The following GPHN variants were observed in gnomAD, a reference collection of about 807,000 sequenced individuals.
GPHN encodes gephyrin.
A neutral mutation model predicts 95.5 loss-of-function variants in GPHN; 17 were observed. The ratio of observed to expected loss-of-function variants is 0.18; its 90% CI spans 0.12 to 0.27. The LOEUF (loss-of-function observed/expected upper bound fraction) is 0.27, where lower values mean the gene tolerates loss of function less well. Among genes scored for constraint, GPHN ranks in the 10% least tolerant of loss-of-function variants. The pLI, the probability that GPHN is intolerant of heterozygous loss-of-function variation, is 1.00. For synonymous variants in GPHN, 320 were observed against 322.5 expected (o/e 0.99, Z 0.08); for missense variants, 660 against 978.1 (o/e 0.67, Z 4.34).
intron 1 of GPHN, among the ~76,000 whole-genome samples, chr14:66,597,811 C>G (rs1473012257): frequency 1.3e-5 from 2 of 152,148 alleles, no homozygotes; most frequent in African/African-American, 2.4e-5. Flanking sequence ...CTCCAGATGC[C>G]CCACTACTAC....
At chr14:66,989,751 T>C (rs2071279055) in intron 9 of GPHN, among the ~76,000 whole-genome samples, 1 of 152,136 alleles carries the variant, frequency 6.6e-6, no homozygotes, top group South Asian at 2.1e-4. Context: ...AGCTGAATTT[T>C]CAGTTTCTCT....
At chr14:67,600,573 TGTGCGAGA>T in the GPHN span, among the ~76,000 whole-genome samples, 2 of 152,146 alleles carry the variant, frequency 1.3e-5, no homozygotes. Flanking sequence ...CTCTCTAGCC[TGTGCGAGA>T]GAGCAAGACC....
chr14:67,577,487 G>C, the GPHN span: 1 of 957,950 alleles, frequency 1.0e-6, no homozygotes, highest in Non-Finnish European at 1.6e-6. Flanking sequence ...CTGTGCAGTT[G>C]GGGACAACCC....
chr14:67,695,313 C>A, the GPHN span, among the ~76,000 whole-genome samples: 2 of 152,146 alleles, frequency 1.3e-5, no homozygotes, highest in Non-Finnish European at 2.9e-5. Flanking sequence ...TTGAAGAGTC[C>A]GAAACTCAAG....
At chr14:67,318,807 C>T in the GPHN span, among the ~76,000 whole-genome samples, 1 of 152,166 alleles carries the variant, frequency 6.6e-6, no homozygotes, top group Non-Finnish European at 1.5e-5. Flanking sequence ...CCTGTAATCC[C>T]AGCACTTTGG....
intron 17 of GPHN, among the ~76,000 whole-genome samples, chr14:67,140,112 G>A (rs923752514): frequency 6.6e-6 from 1 of 152,072 alleles, no homozygotes; most frequent in South Asian, 2.1e-4. Context: ...AGGCTGGCAC[G>A]GCGGCTCACA....
chr14:67,727,294 A>G, the GPHN span: 2 of 827,032 alleles, frequency 2.4e-6, no homozygotes, highest in Admixed American at 4.0e-5. Context: ...TGTCAGTAAT[A>G]TCTCTGTGGA....
intron 5 of GPHN, among the ~76,000 whole-genome samples, chr14:66,883,327 A>T (rs1028633786): frequency 1.3e-5 from 2 of 151,656 alleles, no homozygotes; most frequent in Non-Finnish European, 2.9e-5. Context: ...TTTATTTCAG[A>T]TATATTTTCA....
the GPHN span, among the ~76,000 whole-genome samples, chr14:67,523,885 TG>T: frequency 6.6e-6 from 1 of 151,618 alleles, no homozygotes; most frequent in African/African-American, 2.4e-5. Context: ...GGTATAGAGC[TG>T]TGACCTCTCT....
chr14:66,739,716 G>C (rs2072630926), intron 2 of GPHN, among the ~76,000 whole-genome samples: 1 of 151,940 alleles, frequency 6.6e-6, no homozygotes, highest in African/African-American at 2.4e-5. Flanking sequence ...AACACGAAAA[G>C]CTACAAGGAA....
chr14:67,385,303 GA>G, the GPHN span: 1 of 152,120 alleles, frequency 6.6e-6, no homozygotes, highest in East Asian at 1.9e-4. Flanking sequence ...TCCAAATCTT[GA>G]ATTTCTGCCA....
the GPHN span, among the ~76,000 whole-genome samples, chr14:67,545,582 A>C: frequency 6.6e-6 from 1 of 152,238 alleles, no homozygotes; most frequent in Non-Finnish European, 1.5e-5. Flanking sequence ...GGCAGAAATA[A>C]ATCCAAATAT....
chr14:67,406,827 A>G, the GPHN span, among the ~76,000 whole-genome samples: 1 of 152,226 alleles, frequency 6.6e-6, no homozygotes, highest in Non-Finnish European at 1.5e-5. Flanking sequence ...ATCACCAGGC[A>G]AAGTGAGTCA....
At chr14:67,645,143 CGTTACCTATAGACT>C in the GPHN span, among the ~76,000 whole-genome samples, 2 of 151,652 alleles carry the variant, frequency 1.3e-5, no homozygotes, top group Non-Finnish European at 2.9e-5. Flanking sequence ...TTTGGTGAGT[CGTTACCTATAGACT>C]GTACCATTTA....
intron 1 of GPHN, among the ~76,000 whole-genome samples, chr14:66,557,241 A>ATAGATAGG (rs2060041949): frequency 1.1e-5 from 1 of 91,508 alleles, no homozygotes; most frequent in Non-Finnish European, 2.9e-5. Flanking sequence ...AGGTAGGTAG[A>ATAGATAGG]TAGATAGATA....
At chr14:67,546,612 A>G in the GPHN span, among the ~76,000 whole-genome samples, 2 of 151,602 alleles carry the variant, frequency 1.3e-5, no homozygotes, top group Non-Finnish European at 2.9e-5. Context: ...CTGGTCTTGA[A>G]CTCCCAACCT....
chr14:67,399,688 T>C, the GPHN span, among the ~76,000 whole-genome samples: 1 of 140,404 alleles, frequency 7.1e-6, no homozygotes, highest in Non-Finnish European at 1.5e-5. Flanking sequence ...TTTAGGTGGG[T>C]CTCAGGTGGC....
the GPHN span, among the ~76,000 whole-genome samples, chr14:67,603,422 CT>C: frequency 7.4e-4 from 113 of 152,168 alleles, no homozygotes; most frequent in African/African-American, 2.7e-3. Context: ...GCCAAATGTA[CT>C]TTACTTAATT....
intron 1 of GPHN, among the ~76,000 whole-genome samples, chr14:66,539,540 G>A (rs992297563): frequency 3.3e-5 from 5 of 150,188 alleles, no homozygotes; most frequent in African/African-American, 1.2e-4. Context: ...TCAGGTTCCT[G>A]AGTAGCTGGG....
Sources: gnomAD v4.1 joint callset for allele counts (sites outside exome capture counted in the v4.1 genomes callset) on GRCh38, gnomAD v4.1.1 for gene constraint, MANE v1.5 for transcripts, NCBI Gene and HGNC (gene_info 2026-07-23, HGNC 2026-07-21) for gene names.